Variants in CFAP221 observed in about 807,000 individuals in gnomAD.
The protein encoded by CFAP221 is cilia and flagella associated protein 221, also known as cilia- and flagella-associated protein 221.
Under a neutral mutation model 113.1 loss-of-function variants are expected in CFAP221, and 97 were observed. That is an observed-to-expected ratio of 0.86 (90% CI 0.73 to 1.02). The LOEUF is 1.02. Among genes scored for constraint, CFAP221 ranks in the 50% least tolerant of loss-of-function variants. The pLI is 0.00. For synonymous variants in CFAP221, 331 were observed against 354.4 expected, an observed-to-expected ratio of 0.93 and a Z score of 0.74; for missense variants, 1,025 against 1,013.4, an observed-to-expected ratio of 1.01 and a Z score of -0.16.
At chr2:119,596,771 C>G (rs1433706486) in intron 7 of CFAP221, among the ~76,000 whole-genome samples, 1 of 152,218 alleles carries the variant, frequency 6.6e-6, no homozygotes, top group Non-Finnish European at 1.5e-5. Flanking sequence ...GTTGTTCTTC[C>G]TGGGAAATTT....
At chr2:119,626,736 C>A (rs1475315437) in intron 15 of CFAP221, among the ~76,000 whole-genome samples, 2 of 151,908 alleles carry the variant, frequency 1.3e-5, no homozygotes, top group African/African-American at 4.8e-5. Context: ...GAGTTCGAGA[C>A]AAGCCTGGGC....
At chr2:119,658,512 T>C (rs1466952583), downstream of CFAP221, among the ~76,000 whole-genome samples, 1 of 152,130 alleles carries the variant, frequency 6.6e-6, no homozygotes, top group African/African-American at 2.4e-5. Context: ...AATCAAGACC[T>C]GCTACAGCAA....
chr2:119,650,679 G>C (rs1688076308), intron 22 of CFAP221, among the ~76,000 whole-genome samples: 2 of 152,210 alleles, frequency 1.3e-5, no homozygotes, highest in Non-Finnish European at 2.9e-5. Flanking sequence ...TAATCCTTAT[G>C]ATGAGCTCTT....
intron 3 of CFAP221, among the ~76,000 whole-genome samples, chr2:119,556,484 C>T (rs1187850977): frequency 2.0e-5 from 3 of 151,802 alleles, no homozygotes; most frequent in Non-Finnish European, 4.4e-5. Context: ...CTTTTATTAT[C>T]ACAAATTGGA....
intron 7 of CFAP221, among the ~76,000 whole-genome samples, chr2:119,598,071 C>T (rs1459516375): frequency 6.6e-6 from 1 of 151,924 alleles, no homozygotes; most frequent in Non-Finnish European, 1.5e-5. Flanking sequence ...GTATGTGGCT[C>T]GAATGGCTCT....
chr2:119,639,911 C>T, intron 21 of CFAP221, 39 bp downstream of exon 21: 1 of 1,537,512 alleles, frequency 6.5e-7, no homozygotes, highest in Non-Finnish European at 9.0e-7. Context: ...AGTATGTGTG[C>T]CCCATGTATT....
Position 119,549,124 on chromosome 2 carries a change from C to CA in CFAP221, c.181dup (p.Arg61LysfsTer28). Reference sequence around the variant, plus strand: ...CTTGTGAATAATAAGGTCATACAGGCAAGACCTGGCATAATACATTTTGGA... The same window carrying CA: ...CTTGTGAATAATAAGGTCATACAGGCAAAGACCTGGCATAATACATTTTGGA... On this transcript the variant is annotated frameshift_variant, in exon 3 of 24. Coordinates refer to ENST00000413369, the MANE Select transcript of CFAP221 (RefSeq NM_001271049.2). LOFTEE classifies it high-confidence loss of function. The CA allele has an allele frequency of 6.5e-7, 1 of 1,534,896 alleles. No homozygotes were observed. Among genetic ancestry groups the CA allele is most frequent in the Non-Finnish European group, 8.7e-7 (1 of 1,146,510 alleles).
intron 6 of CFAP221, among the ~76,000 whole-genome samples, chr2:119,577,583 T>C (rs147885750): frequency 2.5e-3 from 384 of 152,280 alleles, no homozygotes; most frequent in Admixed American, 0.01. Flanking sequence ...GCTTGAAAAC[T>C]CCACTTCACC....
At chr2:119,633,488 G>C (rs756603602) in intron 19 of CFAP221, among the ~76,000 whole-genome samples, 2 of 151,664 alleles carry the variant, frequency 1.3e-5, no homozygotes, top group African/African-American at 4.8e-5. Context: ...GAATATATAA[G>C]GAACTGTCAA....
At chr2:119,578,212 A>G (rs1187854409) in intron 6 of CFAP221, among the ~76,000 whole-genome samples, 2 of 152,248 alleles carry the variant, frequency 1.3e-5, no homozygotes, top group East Asian at 1.9e-4. Context: ...GCCTTAAGAA[A>G]CAGGTACAGC....
intron 14 of CFAP221, among the ~76,000 whole-genome samples, 181 bp downstream of exon 14, chr2:119,615,890 A>G (rs916158964): frequency 1.3e-5 from 2 of 152,136 alleles, no homozygotes; most frequent in South Asian, 2.1e-4. Flanking sequence ...CATCACCCCT[A>G]TCTAATTTTA....
At chr2:119,574,379 A>G (rs1158438811) in intron 6 of CFAP221, among the ~76,000 whole-genome samples, 3 of 152,246 alleles carry the variant, frequency 2.0e-5, no homozygotes, top group Non-Finnish European at 2.9e-5. Context: ...CCAAGCTAGT[A>G]TCAGTACTGA....
At chr2:119,548,233 G>A (rs1291560660) in intron 2 of CFAP221, among the ~76,000 whole-genome samples, 1 of 152,108 alleles carries the variant, frequency 6.6e-6, no homozygotes, top group Non-Finnish European at 1.5e-5. Context: ...CAAAATGCTG[G>A]GATTACATGT....
intron 3 of CFAP221, chr2:119,557,349 T>G (rs1165263625): frequency 6.6e-6 from 1 of 152,270 alleles, no homozygotes; most frequent in Admixed American, 6.5e-5. Context: ...TCATTGTGTT[T>G]GTAATCTCAC....
rs375405686 is a variant in CFAP221, at chr2:119,583,395, C to CTTT, written c.528-3706_528-3704dup. On this transcript the variant is annotated intron_variant, in intron 6 of 23. Transcript: ENST00000413369. ...TGGGAAAGTAAATAGGAAATAGTCT[C>CTTT]TTTTTTTTTTTTTTTTTTTTAGATT... is the stretch of plus-strand genomic sequence containing the variant. Among the ~76,000 whole-genome samples the CTTT allele has an allele frequency of 1.4e-3, 177 of 123,172 alleles. 2 individuals carry two copies. Among genetic ancestry groups the CTTT allele is most frequent in the African/African-American group, 4.6e-3 (149 of 32,548 alleles). The allele number at this position is 123,172 out of a possible 152,430, so 80.8% of individuals were successfully genotyped here.
At chr2:119,617,742 G>T (rs1486222780) in intron 14 of CFAP221, among the ~76,000 whole-genome samples, 1 of 152,214 alleles carries the variant, frequency 6.6e-6, no homozygotes, top group Non-Finnish European at 1.5e-5. Context: ...GGCAGCCAGA[G>T]TTGTGTTTGC....
chr2:119,627,692 A>AGAC lies in CFAP221; in HGVS notation c.1557_1558insACG (p.Gln519_Asp520insThr), dbSNP rs1377545197. The AGAC allele has an allele frequency of 6.2e-7, 1 of 1,613,846 alleles. No individual in the cohort carries two copies. The highest frequency in any genetic ancestry group is 1.1e-5 in the South Asian group (1 of 91,022). ...AAATTCTTCCTGAGGCGGATCAGTC[A>AGAC]GGATGATTATACCAGCCGGTTCTCT... is the stretch of plus-strand genomic sequence containing the variant. On this transcript the variant is annotated inframe_insertion, in exon 16 of 24. Coordinates refer to ENST00000413369, the MANE Select transcript of CFAP221 (RefSeq NM_001271049.2).
At chr2:119,620,412 A>C (rs1199110054) in intron 14 of CFAP221, among the ~76,000 whole-genome samples, 1 of 152,208 alleles carries the variant, frequency 6.6e-6, no homozygotes, top group African/African-American at 2.4e-5. Flanking sequence ...ACCCTACAAG[A>C]CCGAAGAGAG....
chr2:119,591,780 C>T (rs1683616230), intron 7 of CFAP221, among the ~76,000 whole-genome samples: 2 of 152,176 alleles, frequency 1.3e-5, no homozygotes, highest in African/African-American at 4.8e-5. Flanking sequence ...GCTGGGAAAG[C>T]CAGTCTTCCA....
Sources: gnomAD v4.1 joint callset for allele counts (sites outside exome capture counted in the v4.1 genomes callset) on GRCh38, gnomAD v4.1.1 for gene constraint, MANE v1.5 for transcripts, NCBI Gene and HGNC (gene_info 2026-07-23, HGNC 2026-07-21) for gene names.